Variants in IFT122 observed in about 807,000 individuals in gnomAD.
IFT122 encodes intraflagellar transport 122.
In IFT122, 118 loss-of-function variants were observed where a neutral mutation model predicts 161.6. The observed-to-expected ratio is 0.73, with a 90% CI of 0.63 to 0.85. The LOEUF (loss-of-function observed/expected upper bound fraction) is 0.85, where lower values mean the gene tolerates loss of function less well. Among genes scored for constraint, IFT122 ranks in the 40% least tolerant of loss-of-function variants. IFT122 has a pLI of 0.00. For missense variants in IFT122, 1,381 were observed against 1,579.6 expected, an observed-to-expected ratio of 0.87 and a Z score of 2.13; for synonymous variants, 550 against 602.4, an observed-to-expected ratio of 0.91 and a Z score of 1.27.
intron 3 of IFT122, among the ~76,000 whole-genome samples, chr3:129,452,369 G>A (rs2074954409): frequency 6.9e-6 from 1 of 145,660 alleles, no homozygotes; most frequent in South Asian, 2.1e-4. Context: ...TAACTGTTAT[G>A]GAAGAAGAAA....
rs114555128 is a variant in IFT122, at chr3:129,459,088, A to G, written c.272+411A>G. On this transcript the variant is annotated intron_variant, in intron 4 of 29. Coordinates refer to ENST00000348417, the MANE Select transcript of IFT122 (RefSeq NM_052989.3). ...TGCCGTGTTCTTCCCCTGTTCCTCTACTAGTTGGTCCCTATTTACCCTGCA... is the reference window on the plus strand; with the variant it reads ...TGCCGTGTTCTTCCCCTGTTCCTCTGCTAGTTGGTCCCTATTTACCCTGCA... Among the ~76,000 whole-genome samples the G allele has an allele frequency of 5.1e-3, 779 of 151,960 alleles. 29 individuals are homozygous for G. The South Asian group carries it at 0.11, about 21-fold the overall frequency.
At position 129,503,610 on chromosome 3, in the gene IFT122, A is replaced by T. The variant is rs189636369; in HGVS notation, c.2548-709A>T. 1.9e-3 allele frequency among the ~76,000 whole-genome samples: 292 copies of T among 152,116 alleles called. 1 individual carries two copies. The highest frequency in any genetic ancestry group is 6.1e-3 in the African/African-American group (254 of 41,490). On this transcript the variant is annotated intron_variant, in intron 20 of 29. Coordinates refer to ENST00000348417, the MANE Select transcript of IFT122 (RefSeq NM_052989.3). The stretch of plus-strand genomic sequence containing the variant: ...ACCCATCATGGTCCATTTTAGAGTG[A>T]AAGCAAAGCCTTCACTGAGAGGAGC...
chr3:129,514,642 A>C, intron 25 of IFT122, 88 bp downstream of exon 25: 1 of 1,476,678 alleles, frequency 6.8e-7, no homozygotes, highest in Non-Finnish European at 9.4e-7. Context: ...TTCCGTTTGA[A>C]GAGAGACAGC....
At chr3:129,510,286 C>T (rs189002089) in intron 23 of IFT122, among the ~76,000 whole-genome samples, 1 of 152,310 alleles carries the variant, frequency 6.6e-6, no homozygotes, top group East Asian at 1.9e-4. Context: ...TTCTTTCCCT[C>T]TAATCTGTGC....
chr3:129,514,292 C>A, intron 24 of IFT122, 97 bp from the exon 25 acceptor site: 1 of 1,370,190 alleles, frequency 7.3e-7, no homozygotes, highest in Non-Finnish European at 1.0e-6. Context: ...GGCACCAGCA[C>A]AAGCTGTGTT....
At chr3:129,489,027 C>T (rs2079689880) in intron 16 of IFT122, among the ~76,000 whole-genome samples, 1 of 152,108 alleles carries the variant, frequency 6.6e-6, no homozygotes, top group South Asian at 2.1e-4. Context: ...CAGGTATGTT[C>T]CTGAGCTGTG....
chr3:129,452,278 A>G, intron 3 of IFT122: 1 of 427,098 alleles, frequency 2.3e-6, no homozygotes, highest in Non-Finnish European at 4.4e-6. Context: ...GGTGGTGAGA[A>G]GTGAGGGAGG....
chr3:129,497,776 A>G (rs2081054695), intron 18 of IFT122, among the ~76,000 whole-genome samples: 1 of 152,134 alleles, frequency 6.6e-6, no homozygotes, highest in African/African-American at 2.4e-5. Flanking sequence ...AGAAATATGT[A>G]CCTACACATT....
intron 15 of IFT122, chr3:129,488,008 T>A (rs1436476170): frequency 3.5e-6 from 2 of 571,544 alleles, no homozygotes; most frequent in Non-Finnish European, 3.2e-6. Context: ...GGCCTGTAGG[T>A]GGGAAGGAGG....
intron 21 of IFT122, among the ~76,000 whole-genome samples, chr3:129,504,738 A>G (rs539684530): frequency 1.3e-5 from 2 of 152,332 alleles, no homozygotes; most frequent in Non-Finnish European, 2.9e-5. Flanking sequence ...CAACAGCCCT[A>G]TGGTATAGCT....
At chr3:129,475,839 A>G (rs2077868002) in intron 9 of IFT122, among the ~76,000 whole-genome samples, 1 of 152,208 alleles carries the variant, frequency 6.6e-6, no homozygotes, top group Admixed American at 6.5e-5. Context: ...TAAAAAATGA[A>G]GAGAAGTAGT....
Position 129,499,887 on chromosome 3 carries a change from GT to G in IFT122, c.2209-13del, listed in dbSNP as rs2081332468. The G allele has an allele frequency of 6.2e-7, 1 of 1,613,812 alleles. No individual in the cohort carries two copies. The highest frequency in any genetic ancestry group is 1.7e-5 in the Admixed American group (1 of 60,002). ...GTTCTGATCCAGAGTGTTTTTGTTT[GT>G]TGTGCTTCCTCAGGATTTCCTTGGA... is the stretch of plus-strand genomic sequence containing the variant. On this transcript the variant is annotated splice_polypyrimidine_tract_variant and intron_variant, in intron 18 of 29. Coordinates refer to ENST00000348417, the MANE Select transcript of IFT122 (RefSeq NM_052989.3).
In IFT122 at chr3:129,511,207, G is replaced by A. The variant is rs2108620557; in HGVS notation, c.2887-1105G>A. Among the ~76,000 whole-genome samples the A allele has an allele frequency of 2.0e-5, 3 of 152,318 alleles. No individual in the cohort carries two copies. In the Middle Eastern group the frequency reaches 0.01, roughly 518 times the overall value. On this transcript the variant is annotated intron_variant, in intron 23 of 29. Coordinates refer to ENST00000348417, the MANE Select transcript of IFT122 (RefSeq NM_052989.3). ...ACTCCCCTGCTACCTATTCTCTCTG[G>A]GACGTTACTTAGCTTCCCTACCTAG...
chr3:129,515,324 T>C (rs1201923081), intron 25 of IFT122, 164 bp from the exon 26 acceptor site: 1 of 693,802 alleles, frequency 1.4e-6, no homozygotes, highest in East Asian at 2.7e-5. Context: ...TTTATCCTGC[T>C]TCCCCATGGC....
Position 129,458,820 on chromosome 3 carries a change from A to G in IFT122, c.272+143A>G. On this transcript the variant is annotated intron_variant, in intron 4 of 29. Coordinates refer to ENST00000348417, the MANE Select transcript of IFT122 (RefSeq NM_052989.3). Reference sequence around the variant, plus strand: ...AGTTGTGGGTGTGTGTGGTTGGTATAGGAAGGTTGAGTAGTGAATAAGTTA... The same window carrying G: ...AGTTGTGGGTGTGTGTGGTTGGTATGGGAAGGTTGAGTAGTGAATAAGTTA... The G allele has an allele frequency of 4.2e-6, 3 of 706,422 alleles. No homozygotes were observed. The South Asian group carries it at 4.6e-5, about 11-fold the overall frequency. The allele number at this position is 706,422 out of a possible 1,614,324, so 43.8% of individuals were successfully genotyped here. A position where few individuals can be genotyped will look rare whatever the true frequency, so the allele number is the denominator to read the frequency against.
intron 14 of IFT122, among the ~76,000 whole-genome samples, chr3:129,483,134 A>AT (rs1486199385): frequency 6.6e-6 from 1 of 152,210 alleles, no homozygotes; most frequent in Admixed American, 6.5e-5. Context: ...AGCTATATTG[A>AT]TTTTTTCTCA....
At chr3:129,488,490 A>G in intron 16 of IFT122, 93 bp downstream of exon 16, 1 of 1,537,178 alleles carries the variant, frequency 6.5e-7, no homozygotes, top group Non-Finnish European at 9.0e-7. Flanking sequence ...GAGGCCATAG[A>G]CTGCAGCAGT....
At chr3:129,505,159 A>G (rs142594151) in intron 21 of IFT122, among the ~76,000 whole-genome samples, 158 of 152,340 alleles carry the variant, frequency 1.0e-3, no homozygotes, top group African/African-American at 3.6e-3. Context: ...ACAGCTGTGC[A>G]AGGACGAAGA....
chr3:129,459,747 TC>T (rs1553739254), intron 4 of IFT122, among the ~76,000 whole-genome samples: 2 of 73,540 alleles, frequency 2.7e-5, no homozygotes, highest in African/African-American at 3.7e-4. Context: ...CCTCCCTTCT[TC>T]CTTCCTTCCT....
Sources: gnomAD v4.1 joint callset for allele counts (sites outside exome capture counted in the v4.1 genomes callset) on GRCh38, gnomAD v4.1.1 for gene constraint, MANE v1.5 for transcripts, NCBI Gene and HGNC (gene_info 2026-07-23, HGNC 2026-07-21) for gene names.